Variants in PLEKHA7 observed in about 807,000 individuals in gnomAD.
PLEKHA7 encodes pleckstrin homology domain containing A7.
In PLEKHA7, 104 loss-of-function variants were observed where a neutral mutation model predicts 170.0. The observed-to-expected ratio is 0.61, with a 90% CI of 0.52 to 0.72. The LOEUF is 0.72. PLEKHA7 is among the 30% of genes least tolerant of loss of function. The probability of loss-of-function intolerance (pLI) is 0.00; values close to 1 mark genes in which losing one functional copy is unlikely to be tolerated. For missense variants in PLEKHA7, 1,615 were observed against 1,671.7 expected (o/e 0.97, Z 0.59); for synonymous variants, 648 against 660.8 (o/e 0.98, Z 0.30).
At position 16,807,919 on chromosome 11, in the gene PLEKHA7, G is replaced by A. The variant is rs549866699; in HGVS notation, c.2008-4624C>T. ...TCTTAAACACTCTCCTGAGTGATTCGAATATGCAGCCAGGATTGAGAAGCA... is the reference window on the plus strand; with the variant it reads ...TCTTAAACACTCTCCTGAGTGATTCAAATATGCAGCCAGGATTGAGAAGCA... On this transcript the variant is annotated intron_variant, in intron 13 of 26. Transcript: ENST00000531066. 8.5e-5 allele frequency among the ~76,000 whole-genome samples: 13 copies of A among 152,310 alleles called. No homozygotes were observed. The East Asian group carries it at 2.1e-3, about 25-fold the overall frequency.
At chr11:16,936,685 C>T (rs1218400459) in intron 3 of PLEKHA7, among the ~76,000 whole-genome samples, 1 of 152,174 alleles carries the variant, frequency 6.6e-6, no homozygotes, top group Non-Finnish European at 1.5e-5. Context: ...GACAGTGTGA[C>T]AAGAACAATA....
intron 13 of PLEKHA7, chr11:16,812,289 G>A (rs1266114467): frequency 6.6e-6 from 1 of 152,162 alleles, no homozygotes; most frequent in Admixed American, 6.5e-5. Flanking sequence ...CTTCTATGAG[G>A]CTGGATGAAG....
chr11:16,966,620 T>C (rs2136669453), intron 3 of PLEKHA7, among the ~76,000 whole-genome samples: 2 of 151,890 alleles, frequency 1.3e-5, no homozygotes, highest in South Asian at 4.2e-4. Flanking sequence ...GGTACCAATC[T>C]GCAGTAACAC....
chr11:16,924,658 A>G (rs1022775468), intron 3 of PLEKHA7, among the ~76,000 whole-genome samples: 4 of 152,072 alleles, frequency 2.6e-5, no homozygotes, highest in Non-Finnish European at 5.9e-5. Flanking sequence ...CTTCGGGGGC[A>G]GTGCTGGTGC....
At chr11:16,870,159 T>C (rs34441025) in intron 4 of PLEKHA7, among the ~76,000 whole-genome samples, 7,256 of 152,170 alleles carry the variant, frequency 0.048, 324 homozygotes, top group African/African-American at 0.12. Flanking sequence ...AAAGTTCCCA[T>C]GTTAGGAAAA....
intron 3 of PLEKHA7, among the ~76,000 whole-genome samples, chr11:16,872,937 G>C (rs1038671182): frequency 6.6e-6 from 1 of 152,014 alleles, no homozygotes; most frequent in Non-Finnish European, 1.5e-5. Flanking sequence ...ATTCTAGAAA[G>C]ATTTATACTC....
In PLEKHA7 at chr11:16,913,410, A is replaced by G. The variant is rs182132782; in HGVS notation, c.222-42228T>C. 4.1e-4 allele frequency among the ~76,000 whole-genome samples: 62 copies of G among 152,276 alleles called. No homozygotes were observed. In the East Asian group the frequency reaches 0.012, roughly 28 times the overall value. ...AACCCTACCTGGTGTTATCAGCAGC[A>G]ACTCGATGCAAGGACTGCCCTCCCA... On this transcript the variant is annotated intron_variant, in intron 3 of 26. Coordinates refer to ENST00000531066, the MANE Select transcript of PLEKHA7 (RefSeq NM_001329630.2).
At position 16,777,433 on chromosome 11, in the gene PLEKHA7, G is replaced by A. The variant is rs906903993; in HGVS notation, c.*1565C>T. The A allele has an allele frequency of 4.6e-5, 7 of 151,594 alleles. No homozygotes were observed. Among genetic ancestry groups the A allele is most frequent in the African/African-American group, 7.3e-5 (3 of 41,184 alleles). The allele number at this position is 151,594 out of a possible 1,614,324, so 9.4% of individuals were successfully genotyped here. A position where few individuals can be genotyped will look rare whatever the true frequency, so the allele number is the denominator to read the frequency against. On this transcript the variant is annotated 3_prime_UTR_variant, in exon 27 of 27. Coordinates refer to ENST00000531066, the MANE Select transcript of PLEKHA7 (RefSeq NM_001329630.2). The stretch of plus-strand genomic sequence containing the variant: ...AAGGCAAAAATAAAATTTTATTTTG[G>A]CAAATGTCATGAAGTCGATACTGGC...
At chr11:16,921,087 C>A (rs1859051601) in intron 3 of PLEKHA7, among the ~76,000 whole-genome samples, 1 of 152,222 alleles carries the variant, frequency 6.6e-6, no homozygotes, top group Non-Finnish European at 1.5e-5. Context: ...CTTATTTTCG[C>A]AGGGCGTTTT....
chr11:16,888,213 G>A (rs1196312020), intron 3 of PLEKHA7, among the ~76,000 whole-genome samples: 1 of 152,052 alleles, frequency 6.6e-6, no homozygotes, highest in African/African-American at 2.4e-5. Context: ...CGCCCCATCT[G>A]GGAAGACAGG....
chr11:16,857,627 C>G (rs972899541), intron 4 of PLEKHA7, among the ~76,000 whole-genome samples: 2 of 152,252 alleles, frequency 1.3e-5, no homozygotes, highest in Admixed American at 6.5e-5. Flanking sequence ...AAAGAGCTCT[C>G]AGGTTGCTTC....
intron 3 of PLEKHA7, among the ~76,000 whole-genome samples, chr11:16,984,544 C>A (rs1230071621): frequency 2.0e-5 from 3 of 152,120 alleles, no homozygotes; most frequent in African/African-American, 7.2e-5. Flanking sequence ...CCTGCCCCTA[C>A]ATGGCTTGAT....
intron 3 of PLEKHA7, among the ~76,000 whole-genome samples, chr11:16,981,036 A>T (rs1863396145): frequency 6.6e-6 from 1 of 152,158 alleles, no homozygotes; most frequent in Admixed American, 6.5e-5. Context: ...CCTCCTCTTT[A>T]TGCAGAGAGA....
At chr11:16,925,719 G>A (rs1177115165) in intron 3 of PLEKHA7, among the ~76,000 whole-genome samples, 3 of 152,212 alleles carry the variant, frequency 2.0e-5, no homozygotes, top group East Asian at 1.9e-4. Context: ...CCTCCTCGCC[G>A]GGGCCTTTCC....
At chr11:16,921,669 C>G (rs1415536085) in intron 3 of PLEKHA7, among the ~76,000 whole-genome samples, 1 of 152,042 alleles carries the variant, frequency 6.6e-6, no homozygotes, top group Non-Finnish European at 1.5e-5. Flanking sequence ...GAAATGTGGA[C>G]AATAATTAAG....
At chr11:16,850,870 G>T (rs780162870) in intron 8 of PLEKHA7, among the ~76,000 whole-genome samples, 5 of 152,160 alleles carry the variant, frequency 3.3e-5, no homozygotes, top group Non-Finnish European at 5.9e-5. Flanking sequence ...GCATGAAATG[G>T]CTGGATGCTA....
At chr11:16,903,333 G>A (rs1173254211) in intron 3 of PLEKHA7, among the ~76,000 whole-genome samples, 1 of 152,176 alleles carries the variant, frequency 6.6e-6, no homozygotes, top group Non-Finnish European at 1.5e-5. Context: ...GTACATTAAT[G>A]AATGGAATGA....
Position 16,826,377 on chromosome 11 carries a change from C to A in PLEKHA7, c.1086G>T (p.Arg362Ser), listed in dbSNP as rs1178478488. 2 of 1,614,258 alleles carry A rather than the reference C, an allele frequency of 1.2e-6. No individual in the cohort carries two copies. Among genetic ancestry groups the A allele is most frequent in the Non-Finnish European group, 1.7e-6 (2 of 1,180,054 alleles). Residue 362 changes from arginine to serine, a missense_variant, in exon 10 of 27, where the codon AGG becomes AGT. Arg to Ser is a moderately radical substitution (Grantham distance 110, BLOSUM62 -1). Transcript: ENST00000531066. The part of the protein sequence containing the change: ...LEGKRDRSKA[R>S]SPYSPAEEDA... ...CCTCCTCGGCTGGCGAGTACGGAGA[C>A]CTGGCCTTGCTCCGGTCCCGCTTGC... is the stretch of plus-strand genomic sequence containing the variant.
chr11:16,811,702 G>C (rs1412772406), intron 13 of PLEKHA7, among the ~76,000 whole-genome samples: 1 of 152,222 alleles, frequency 6.6e-6, no homozygotes, highest in Non-Finnish European at 1.5e-5. Context: ...TCCTGGCCTT[G>C]AGAGAAAGCT....
Sources: allele counts gnomAD v4.1 joint callset (sites outside exome capture counted in the v4.1 genomes callset), GRCh38; gene constraint gnomAD v4.1.1; transcripts MANE v1.5; gene names NCBI Gene and HGNC (gene_info 2026-07-23, HGNC 2026-07-21).